Variants in WDR35 observed in about 807,000 individuals in gnomAD.
The protein encoded by WDR35 is WD repeat domain 35.
Under a neutral mutation model 158.3 loss-of-function variants are expected in WDR35, and 118 were observed. That is an observed-to-expected ratio of 0.75 (90% CI 0.64 to 0.87). The LOEUF is 0.87. Ranked by LOEUF, WDR35 falls within the 40% of genes least tolerant of loss-of-function variation. WDR35 has a pLI of 0.00. For synonymous variants in WDR35, 448 were observed against 476.1 expected (o/e 0.94, Z 0.77); for missense variants, 1,263 against 1,405.8 (o/e 0.90, Z 1.62).
At chr2:19,966,106 G>A (rs1382452908) in intron 10 of WDR35, among the ~76,000 whole-genome samples, 1 of 152,126 alleles carries the variant, frequency 6.6e-6, no homozygotes, top group African/African-American at 2.4e-5. Flanking sequence ...AGCAAACATG[G>A]CTGTTCAAAG....
intron 19 of WDR35, 106 bp downstream of exon 19, chr2:19,937,636 TA>T: frequency 6.9e-7 from 1 of 1,442,602 alleles, no homozygotes; most frequent in Non-Finnish European, 9.7e-7. Flanking sequence ...AATTAATTTC[TA>T]AAAGGAACCA....
chr2:19,936,555 A>C (rs1670703811), intron 19 of WDR35, among the ~76,000 whole-genome samples, 190 bp from the exon 20 acceptor site: 1 of 152,160 alleles, frequency 6.6e-6, no homozygotes, highest in Non-Finnish European at 1.5e-5. Context: ...TATGGTTTGA[A>C]TGTGTGTCCC....
intron 7 of WDR35, 112 bp downstream of exon 7, chr2:19,974,356 C>T: frequency 8.7e-7 from 1 of 1,143,788 alleles, no homozygotes; most frequent in Non-Finnish European, 1.2e-6. Flanking sequence ...TTGCCGTGAG[C>T]CAAGATCGTG....
intron 2 of WDR35, among the ~76,000 whole-genome samples, chr2:19,983,994 T>C (rs2103466568): frequency 6.7e-6 from 1 of 149,024 alleles, no homozygotes; most frequent in East Asian, 1.9e-4. Context: ...GAAAAATCCA[T>C]TCTAATGCAT....
intron 9 of WDR35, among the ~76,000 whole-genome samples, chr2:19,967,924 T>C (rs1371822986): frequency 6.6e-6 from 1 of 152,212 alleles, no homozygotes; most frequent in Non-Finnish European, 1.5e-5. Flanking sequence ...CATTATCTTT[T>C]CCAGAATGTC....
Position 19,912,335 on chromosome 2 carries a change from G to A in WDR35, c.*1223C>T, listed in dbSNP as rs958873708. 2 of 152,132 alleles carry A rather than the reference G, an allele frequency of 1.3e-5. No individual in the cohort carries two copies. Among genetic ancestry groups the A allele is most frequent in the Admixed American group, 6.5e-5 (1 of 15,268 alleles). 9.4% of individuals were successfully genotyped at this position (152,132 alleles called of 1,614,324 possible). Reference sequence around the variant, plus strand: ...CCATTGTACCAAGGTAATTTTCCACGAGGCGCATGAATAGAGACAGAGACC... The same window carrying A: ...CCATTGTACCAAGGTAATTTTCCACAAGGCGCATGAATAGAGACAGAGACC... On this transcript the variant is annotated 3_prime_UTR_variant, in exon 27 of 27. Transcript: ENST00000281405.
chr2:19,986,659 G>C (rs1672576116), intron 2 of WDR35, among the ~76,000 whole-genome samples: 1 of 152,150 alleles, frequency 6.6e-6, no homozygotes, highest in Admixed American at 6.5e-5. Context: ...AGGAGAGAGA[G>C]AGGATAAATT....
chr2:19,944,038 A>AC (rs1434806902), intron 16 of WDR35, among the ~76,000 whole-genome samples: 97 of 152,216 alleles, frequency 6.4e-4, no homozygotes, highest in African/African-American at 2.1e-3. Context: ...ATTAAATATA[A>AC]TAGTATGTAA....
At chr2:19,989,408 G>C (rs1672676106) in intron 1 of WDR35, 126 bp from the exon 2 acceptor site, 2 of 868,590 alleles carry the variant, frequency 2.3e-6, no homozygotes, top group Admixed American at 1.9e-5. Flanking sequence ...GAAAAAAAAT[G>C]AGCTGTTGTG....
intron 10 of WDR35, among the ~76,000 whole-genome samples, chr2:19,966,439 T>C (rs1671855225): frequency 1.3e-5 from 2 of 152,200 alleles, no homozygotes; most frequent in African/African-American, 4.8e-5. Flanking sequence ...AAATTTTAAT[T>C]TGAAAAGGGA....
intron 11 of WDR35, among the ~76,000 whole-genome samples, chr2:19,957,862 A>G (rs929581111): frequency 1.2e-4 from 18 of 152,192 alleles, no homozygotes; most frequent in Non-Finnish European, 2.4e-4. Flanking sequence ...TTGGAAAAAA[A>G]GTTTTTAAGA....
Position 19,931,292 on chromosome 2 carries a change from T to G in WDR35, c.2941A>C (p.Lys981Gln). ...ACCTCTGAACTTTTTCCTTTAACTT[T>G]TCCTCGCTGGGCATTCTTCATCTGT... The part of the protein sequence containing the change: ...HEQMKNAQRG[K>Q]VKGKSSEATS... The change falls in exon 24 of 27, where the codon AAA becomes CAA. Residue 981 changes from lysine to glutamine, a missense_variant. Lys to Gln is a moderately conservative substitution (Grantham distance 53). Coordinates refer to ENST00000281405, the MANE Select transcript of WDR35 (RefSeq NM_020779.4). The G allele has an allele frequency of 6.2e-7, 1 of 1,613,468 alleles. No individual in the cohort carries two copies.
At chr2:19,977,979 T>G (rs1393005933) in intron 5 of WDR35, among the ~76,000 whole-genome samples, 1 of 152,186 alleles carries the variant, frequency 6.6e-6, no homozygotes, top group Non-Finnish European at 1.5e-5. Context: ...CCTTTCCTGA[T>G]CCCTCCAAGT....
At chr2:19,959,483 T>A (rs1216195910) in intron 11 of WDR35, among the ~76,000 whole-genome samples, 2 of 152,000 alleles carry the variant, frequency 1.3e-5, no homozygotes, top group Non-Finnish European at 2.9e-5. Flanking sequence ...TATATGTGTA[T>A]ATAAATATAT....
rs1235091518 is a variant in WDR35 at position 19,980,728 on chromosome 2, ATCACTGGTAG to A, written c.260_269del (p.Thr87MetfsTer20). The A allele has an allele frequency of 6.2e-7, 1 of 1,613,824 alleles. No homozygotes were observed. Among genetic ancestry groups the A allele is most frequent in the South Asian group, 1.1e-5 (1 of 91,070 alleles). The stretch of plus-strand genomic sequence containing the variant: ...TCCACACAATGATAAGCCCGTTTTC[ATCACTGGTAG>A]TCAACTTCTGATACTGCTCATTCCA... On this transcript the variant is annotated frameshift_variant, in exon 4 of 27. Transcript: ENST00000281405. LOFTEE classifies it high-confidence loss of function.
chr2:19,930,309 C>T, intron 25 of WDR35, 87 bp downstream of exon 25: 2 of 1,576,844 alleles, frequency 1.3e-6, no homozygotes, highest in Admixed American at 1.7e-5. Flanking sequence ...TTATTGAAGG[C>T]CACATAAAGG....
chr2:19,938,908 C>A (rs900032887), intron 17 of WDR35, among the ~76,000 whole-genome samples: 1 of 152,174 alleles, frequency 6.6e-6, no homozygotes, highest in Non-Finnish European at 1.5e-5. Context: ...AACTCCTCTA[C>A]CTGAGGCCAA....
intron 1 of WDR35, among the ~76,000 whole-genome samples, chr2:19,989,533 C>G (rs1479950784): frequency 6.6e-6 from 1 of 152,188 alleles, no homozygotes; most frequent in Admixed American, 6.5e-5. Flanking sequence ...AGAGTCTCAC[C>G]GGATGGATTT....
intron 25 of WDR35, 30 bp downstream of exon 25, chr2:19,930,366 C>A (rs1201611845): frequency 5.0e-6 from 8 of 1,614,052 alleles, no homozygotes; most frequent in Non-Finnish European, 6.8e-6. Context: ...AATTTTCAGA[C>A]ATACTATACA....
Sources: allele counts gnomAD v4.1 joint callset (sites outside exome capture counted in the v4.1 genomes callset), GRCh38; gene constraint gnomAD v4.1.1; transcripts MANE v1.5; gene names NCBI Gene and HGNC (gene_info 2026-07-23, HGNC 2026-07-21).